The following GTF3C1 variants were observed in gnomAD, a reference collection of about 807,000 sequenced individuals.
GTF3C1 encodes the protein general transcription factor IIIC subunit 1, also known as general transcription factor 3C polypeptide 1.
Under a neutral mutation model 226.7 loss-of-function variants are expected in GTF3C1, and 57 were observed. The ratio of observed to expected loss-of-function variants is 0.25; its 90% CI spans 0.20 to 0.31. GTF3C1 has a LOEUF of 0.31. Ranked by LOEUF, GTF3C1 falls within the 10% of genes least tolerant of loss-of-function variation. The pLI, the probability that GTF3C1 is intolerant of heterozygous loss-of-function variation, is 1.00. For synonymous variants in GTF3C1, 1,090 were observed against 1,084.8 expected (o/e 1.00, Z -0.09); for missense variants, 2,217 against 2,776.1 (o/e 0.80, Z 4.53).
rs2087763414 is a variant in GTF3C1, at chr16:27,464,956, C to T, written c.5356-120G>A. The T allele has an allele frequency of 3.6e-6, 3 of 842,954 alleles. No homozygotes were observed. In the East Asian group the frequency reaches 8.0e-5, roughly 23 times the overall value. The allele number at this position is 842,954 out of a possible 1,614,324, so 52.2% of individuals were successfully genotyped here. ...GGTTGAGTGCCCTGAGCAGCCCAGG[C>T]CCACGAGGCAGGCCTGGCTCCTAGC... is the stretch of plus-strand genomic sequence containing the variant. On this transcript the variant is annotated intron_variant, in intron 33 of 36. Transcript: ENST00000356183.
chr16:27,485,969 C>A, intron 24 of GTF3C1, 28 bp downstream of exon 24: 1 of 1,528,184 alleles, frequency 6.5e-7, no homozygotes, highest in Non-Finnish European at 8.9e-7. Context: ...GAGGGGCAGG[C>A]CCACCGCTGG....
Position 27,470,418 on chromosome 16 carries a change from G to T in GTF3C1, c.4527-23C>A. On this transcript the variant is annotated intron_variant, in intron 30 of 36. Transcript: ENST00000356183. The surrounding 1 kb of genome is among the most constrained non-coding windows in gnomAD (Gnocchi z 4.9). Reference sequence around the variant, plus strand: ...ATCCTACAGACAAAAAGAAAGGAAGGGCCTGACTGAGGGCCAGCTGTGGGA... The same window carrying T: ...ATCCTACAGACAAAAAGAAAGGAAGTGCCTGACTGAGGGCCAGCTGTGGGA... The T allele has an allele frequency of 6.2e-7, 1 of 1,602,580 alleles. No homozygotes were observed. The highest frequency in any genetic ancestry group is 2.2e-5 in the East Asian group (1 of 44,790).
At chr16:27,473,075 A>G (rs1224158738) in intron 29 of GTF3C1, among the ~76,000 whole-genome samples, 1 of 152,054 alleles carries the variant, frequency 6.6e-6, no homozygotes, top group Non-Finnish European at 1.5e-5. Flanking sequence ...TGCCTGGTTA[A>G]TTTTTGTATT....
chr16:27,498,600 T>C, intron 13 of GTF3C1, 30 bp downstream of exon 13: 1 of 1,096,244 alleles, frequency 9.1e-7, no homozygotes. Context: ...GCAGCCTTGC[T>C]ATGGGTTCTT....
At chr16:27,526,787 T>G (rs1474032372) in intron 6 of GTF3C1, among the ~76,000 whole-genome samples, 3 of 152,258 alleles carry the variant, frequency 2.0e-5, no homozygotes, top group Non-Finnish European at 4.4e-5. Flanking sequence ...ATGGTGAAGT[T>G]TGGGTGGAGT....
intron 6 of GTF3C1, among the ~76,000 whole-genome samples, chr16:27,512,506 C>T (rs1489712435): frequency 6.6e-6 from 1 of 152,166 alleles, no homozygotes; most frequent in Non-Finnish European, 1.5e-5. Flanking sequence ...CTACAGCACT[C>T]TTTATAGCAT....
intron 6 of GTF3C1, among the ~76,000 whole-genome samples, chr16:27,520,265 C>T (rs2088725401): frequency 6.6e-6 from 1 of 152,166 alleles, no homozygotes; most frequent in African/African-American, 2.4e-5. Context: ...CAGGCGTGCG[C>T]TAACACACCC....
intron 6 of GTF3C1, among the ~76,000 whole-genome samples, chr16:27,519,394 TG>T (rs1458618589): frequency 6.6e-6 from 1 of 152,174 alleles, no homozygotes; most frequent in Non-Finnish European, 1.5e-5. Flanking sequence ...ACATGGAAGC[TG>T]GCTTGGAGGG....
chr16:27,476,525 G>A lies in GTF3C1; in HGVS notation c.4279C>T (p.Leu1427=). 6.2e-7 allele frequency: 1 copy of A among 1,610,074 alleles called. No homozygotes were observed. Among genetic ancestry groups the A allele is most frequent in the Non-Finnish European group, 8.5e-7 (1 of 1,176,462 alleles). ...ELNSVDDIHF[L]VLQNLIQSTL... ...CTCTGGATCAGGTTCTGAAGCACCAGAAAGTGGATGTCATCCACGCTGAAA... is the reference window on the plus strand; with the variant it reads ...CTCTGGATCAGGTTCTGAAGCACCAAAAAGTGGATGTCATCCACGCTGAAA... Residue 1427 remains leucine (L), a synonymous_variant, in exon 29 of 37, where the codon CTG becomes TTG. Transcript: ENST00000356183.
chr16:27,528,454 AG>A (rs1341493888), intron 6 of GTF3C1, 143 bp downstream of exon 6: 1 of 678,244 alleles, frequency 1.5e-6, no homozygotes, highest in African/African-American at 1.8e-5. Flanking sequence ...GTCCTGAGCC[AG>A]GCACTGAGGC....
At chr16:27,484,795 ACC>A (rs34056727) in intron 24 of GTF3C1, among the ~76,000 whole-genome samples, 4 of 152,252 alleles carry the variant, frequency 2.6e-5, no homozygotes, top group Non-Finnish European at 5.9e-5. Context: ...AAATTAGCAG[ACC>A]CAGGAGAACA....
At chr16:27,525,093 G>A (rs2088809761) in intron 6 of GTF3C1, among the ~76,000 whole-genome samples, 1 of 152,106 alleles carries the variant, frequency 6.6e-6, no homozygotes, top group African/African-American at 2.4e-5. Context: ...AGAGGCTGCA[G>A]TGAGCCAAGA....
At chr16:27,525,718 A>G (rs2088822020) in intron 6 of GTF3C1, among the ~76,000 whole-genome samples, 1 of 152,124 alleles carries the variant, frequency 6.6e-6, no homozygotes, top group Non-Finnish European at 1.5e-5. Context: ...TTCAGCACAC[A>G]CTCTCCTGAG....
intron 2 of GTF3C1, among the ~76,000 whole-genome samples, chr16:27,539,075 T>C (rs2089044799): frequency 6.6e-6 from 1 of 150,776 alleles, no homozygotes; most frequent in Non-Finnish European, 1.5e-5. Context: ...GCAGGCACAT[T>C]GTCAACCTGT....
Position 27,549,642 on chromosome 16 carries a change from CGCCCGCCA to C in GTF3C1, c.221+20_221+27del. The C allele has an allele frequency of 9.6e-7, 1 of 1,036,298 alleles. No individual in the cohort carries two copies. The highest frequency in any genetic ancestry group is 1.4e-6 in the Non-Finnish European group (1 of 697,952). The allele number at this position is 1,036,298 out of a possible 1,614,324, so 64.2% of individuals were successfully genotyped here. ...CCCCCGGGCCCTGCGCCCGCCCGCC[CGCCCGCCA>C]GGCCAGGCCGCCCGCTGACCGGTCC... On this transcript the variant is annotated intron_variant, in intron 1 of 36. Coordinates refer to ENST00000356183, the MANE Select transcript of GTF3C1 (RefSeq NM_001520.4).
At chr16:27,519,738 CAGAA>C (rs755783375) in intron 6 of GTF3C1, among the ~76,000 whole-genome samples, 69 of 151,896 alleles carry the variant, frequency 4.5e-4, no homozygotes, top group Middle Eastern at 3.4e-3. Flanking sequence ...GAGAGAGAGA[CAGAA>C]GGAAAGAAAG....
chr16:27,489,523 A>AC, intron 20 of GTF3C1, 79 bp downstream of exon 20: 5 of 1,168,362 alleles, frequency 4.3e-6, no homozygotes, highest in Non-Finnish European at 6.1e-6. Context: ...ATCCTAAGCC[A>AC]GACAAGGGCG....
intron 28 of GTF3C1, 133 bp downstream of exon 28, chr16:27,478,336 A>G (rs2087984464): frequency 1.5e-6 from 1 of 686,444 alleles, no homozygotes; most frequent in Middle Eastern, 2.4e-4. Context: ...GCATGGCTGT[A>G]TGCCAGTAAA....
In GTF3C1 at chr16:27,507,114, T is replaced by C. The variant is rs1376030099; in HGVS notation, c.1285A>G (p.Ile429Val). The C allele has an allele frequency of 1.2e-6, 2 of 1,611,866 alleles. No homozygotes were observed. Among genetic ancestry groups the C allele is most frequent in the African/African-American group, 2.7e-5 (2 of 74,840 alleles). ...CTCTCCTCTGCAAACACGCAGGAAA[T>C]GTACTTGGTGGTTCGCTGCCGACCT... Reference protein sequence around the residue: ...DEGRQRTTKYISCVFAEESDL... With the variant: ...DEGRQRTTKYVSCVFAEESDL... The change falls in exon 9 of 37, where the codon ATT (isoleucine) becomes GTT (valine). Residue 429 changes from isoleucine to valine, a missense_variant. This residue lies in a region of GTF3C1 where 25 missense variants were observed against 71.9 expected (regional missense o/e 0.35). Coordinates refer to ENST00000356183, the MANE Select transcript of GTF3C1 (RefSeq NM_001520.4). This position sits in a 1 kb window ranked among gnomAD's most constrained non-coding sequence, Gnocchi z 4.9.
Sources: gnomAD v4.1 joint callset for allele counts (sites outside exome capture counted in the v4.1 genomes callset) on GRCh38, gnomAD v4.1.1 for gene constraint, gnomAD v4.1.1 regional missense constraint, Gnocchi (gnomAD v3.1) non-coding constraint, MANE v1.5 for transcripts, NCBI Gene and HGNC (gene_info 2026-07-23, HGNC 2026-07-21) for gene names.